Variants in FKBP4 observed in about 807,000 individuals in gnomAD.
The protein encoded by FKBP4 is FKBP prolyl isomerase 4.
In FKBP4, 28 loss-of-function variants were observed where a neutral mutation model predicts 54.1. That is an observed-to-expected ratio of 0.52 (90% CI 0.38 to 0.71). The LOEUF is 0.71. Ranked by LOEUF, FKBP4 falls within the 30% of genes least tolerant of loss-of-function variation. The pLI, the probability that FKBP4 is intolerant of heterozygous loss-of-function variation, is 0.00. For synonymous variants in FKBP4, 223 were observed against 216.1 expected (o/e 1.03, Z -0.28); for missense variants, 493 against 574.4 (o/e 0.86, Z 1.45).
At chr12:2,799,376 TC>T in intron 5 of FKBP4, 132 bp downstream of exon 5, 2 of 968,824 alleles carry the variant, frequency 2.1e-6, no homozygotes, top group Non-Finnish European at 2.9e-6. Context: ...TATGATATCC[TC>T]AGTGTACTTA....
At chr12:2,797,362 C>A in intron 2 of FKBP4, 80 bp downstream of exon 2, 2 of 1,528,884 alleles carry the variant, frequency 1.3e-6, no homozygotes, top group South Asian at 2.4e-5. Context: ...TTCTCAGGAC[C>A]AAGCTCAGGG....
rs2097902877 is a variant in FKBP4, at chr12:2,798,084, C to A, written c.393+213C>A. The stretch of plus-strand genomic sequence containing the variant: ...GGAAGAGGCAGGCACAAGCCCCTCT[C>A]CAGACTCAAAGCATGGTCAGGGTTA... On this transcript the variant is annotated intron_variant, in intron 3 of 9. Coordinates refer to ENST00000001008, the MANE Select transcript of FKBP4 (RefSeq NM_002014.4). The surrounding 1 kb of genome is among the most constrained non-coding windows in gnomAD (Gnocchi z 4.3). 6.6e-6 allele frequency among the ~76,000 whole-genome samples: 1 copy of A among 152,180 alleles called. No individual in the cohort carries two copies. Among genetic ancestry groups the A allele is most frequent in the South Asian group, 2.1e-4 (1 of 4,832 alleles).
At chr12:2,802,000 C>A (rs373177613) in intron 9 of FKBP4, among the ~76,000 whole-genome samples, 3 of 152,060 alleles carry the variant, frequency 2.0e-5, no homozygotes, top group Non-Finnish European at 4.4e-5. Flanking sequence ...GCTTTTTTCA[C>A]GTAATAGTAG....
In FKBP4 at chr12:2,803,232, C is replaced by T; in HGVS notation, c.1354C>T (p.Gln452Ter). ...GCAGAAGAGCAACACGGCAGGGAGC[C>T]AGTCTCAGGTGGAGACAGAAGCATA... ...EEQKSNTAGS[Q>*]SQVETEA Residue 452 changes from glutamine to a stop codon, truncating the protein, a stop_gained, in exon 10 of 10, where the codon CAG becomes TAG. Transcript: ENST00000001008. LOFTEE classifies it high-confidence loss of function. 1 of 1,595,748 alleles carries T rather than the reference C, an allele frequency of 6.3e-7. No individual in the cohort carries two copies. Among genetic ancestry groups the T allele is most frequent in the South Asian group, 1.1e-5 (1 of 88,056 alleles).
chr12:2,799,910 A>T lies in FKBP4; in HGVS notation c.732A>T (p.Lys244Asn), dbSNP rs774463734. Residue 244 changes from lysine (K) to asparagine (N), a missense_variant, in exon 6 of 10, where the codon AAA (lysine) becomes AAT (asparagine). Lys to Asn is a moderately conservative substitution (Grantham distance 94). Transcript: ENST00000001008. ...KFQIPPNAELKYELHLKSFEK... is the reference protein window; with the variant it reads ...KFQIPPNAELNYELHLKSFEK... ...AAATCCCACCAAATGCTGAGCTGAAATATGAATTACACCTCAAGAGTTTTG... is the reference window on the plus strand; with the variant it reads ...AAATCCCACCAAATGCTGAGCTGAATTATGAATTACACCTCAAGAGTTTTG... The T allele has an allele frequency of 3.1e-6, 5 of 1,614,222 alleles. No homozygotes were observed. In the East Asian group the frequency reaches 1.1e-4, roughly 36 times the overall value.
chr12:2,799,047 C>T, intron 4 of FKBP4, 41 bp from the exon 5 acceptor site: 2 of 1,520,458 alleles, frequency 1.3e-6, no homozygotes, highest in East Asian at 2.3e-5. Flanking sequence ...CAGTCACCTG[C>T]CCTCTTACAA....
intron 2 of FKBP4, among the ~76,000 whole-genome samples, 185 bp from the exon 3 acceptor site, chr12:2,797,544 A>C (rs2097902561): frequency 6.6e-6 from 1 of 151,920 alleles, no homozygotes. Flanking sequence ...GTTCAGGGTC[A>C]CGTGATCTTT....
In FKBP4 at chr12:2,804,030, A is replaced by AC. The variant is rs545230990; in HGVS notation, c.*775dup. 5.4e-5 allele frequency: 8 copies of AC among 149,322 alleles called. No individual in the cohort carries two copies. 9.2% of individuals were successfully genotyped at this position (149,322 alleles called of 1,614,324 possible). On this transcript the variant is annotated 3_prime_UTR_variant, in exon 10 of 10. Coordinates refer to ENST00000001008, the MANE Select transcript of FKBP4 (RefSeq NM_002014.4). Reference sequence around the variant, plus strand: ...TGGGTAGTAGCACAATCAAGGGGTCACCCACTTAGTTCCAGTTGAGCTTAA... The same window carrying AC: ...TGGGTAGTAGCACAATCAAGGGGTCACCCCACTTAGTTCCAGTTGAGCTTAA...
Position 2,801,275 on chromosome 12 carries a change from G to A in FKBP4, c.1191G>A (p.Gln397=). The A allele has an allele frequency of 6.2e-7, 1 of 1,613,974 alleles. No individual in the cohort carries two copies. The change falls in exon 9 of 10, where the codon CAG becomes CAA. Residue 397 remains glutamine, a synonymous_variant. Transcript: ENST00000001008. The part of the protein sequence containing the change: ...KAAKTQLAVC[Q]QRIRRQLARE... ...CCAAGACCCAGCTGGCTGTGTGCCA[G>A]CAGCGGATCCGAAGGCAGCTTGCCC...
rs1468056549 is a variant in FKBP4 at position 2,795,374 on chromosome 12, C to T, written c.105+130C>T. The T allele has an allele frequency of 8.2e-6, 2 of 244,298 alleles. No homozygotes were observed. The highest frequency in any genetic ancestry group is 1.5e-4 in the South Asian group (1 of 6,616). 15.1% of individuals were successfully genotyped at this position (244,298 alleles called of 1,614,324 possible). On this transcript the variant is annotated intron_variant, in intron 1 of 9. Coordinates refer to ENST00000001008, the MANE Select transcript of FKBP4 (RefSeq NM_002014.4). This position sits in a 1 kb window ranked among gnomAD's most constrained non-coding sequence, Gnocchi z 4.3. ...CTTTGCAGCCTCGCGGCCGTCCCGC[C>T]GGGGGCCGGTGGCATCGCCGTCCCG... is the stretch of plus-strand genomic sequence containing the variant.
chr12:2,800,015 T>C, intron 6 of FKBP4, 24 bp from the exon 7 acceptor site: 2 of 1,614,086 alleles, frequency 1.2e-6, no homozygotes, highest in Non-Finnish European at 1.7e-6. Context: ...CTGACAACTT[T>C]GTTTCTCTCC....
At chr12:2,796,792 C>T (rs186434651) in intron 1 of FKBP4, 578 of 1,081,014 alleles carry the variant, frequency 5.3e-4, no homozygotes, top group Non-Finnish European at 6.3e-4. Context: ...CAACCTTTTA[C>T]TGGTCTAATC....
chr12:2,800,981 T>G (rs2097904417), intron 8 of FKBP4, 136 bp from the exon 9 acceptor site: 2 of 1,167,846 alleles, frequency 1.7e-6, no homozygotes, highest in Non-Finnish European at 2.4e-6. Flanking sequence ...GCCTCAGGCC[T>G]TGTTCTTCCT....
chr12:2,795,265 C>A lies in FKBP4; in HGVS notation c.105+21C>A. Reference sequence around the variant, plus strand: ...TGAAGGTGAGGGGCGGCGGGGCCTGCGGAGGCGTCGGAACCCGGGGCCCCG... The same window carrying A: ...TGAAGGTGAGGGGCGGCGGGGCCTGAGGAGGCGTCGGAACCCGGGGCCCCG... On this transcript the variant is annotated intron_variant, in intron 1 of 9. Coordinates refer to ENST00000001008, the MANE Select transcript of FKBP4 (RefSeq NM_002014.4). The surrounding 1 kb of genome is among the most constrained non-coding windows in gnomAD (Gnocchi z 4.3). The A allele has an allele frequency of 8.0e-7, 1 of 1,248,908 alleles. No individual in the cohort carries two copies. The highest frequency in any genetic ancestry group is 3.1e-5 in the South Asian group (1 of 32,288). The allele number at this position is 1,248,908 out of a possible 1,614,324, so 77.4% of individuals were successfully genotyped here. A position where few individuals can be genotyped will look rare whatever the true frequency, so the allele number is the denominator to read the frequency against.
rs1425699309 is a variant in FKBP4, at chr12:2,803,226, G to A, written c.1348G>A (p.Gly450Arg). The change falls in exon 10 of 10, where the codon GGG becomes AGG. Residue 450 changes from glycine (G) to arginine (R), a missense_variant. Coordinates refer to ENST00000001008, the MANE Select transcript of FKBP4 (RefSeq NM_002014.4). ...MKEEQKSNTA[G>R]SQSQVETEA ...GGAGGAGCAGAAGAGCAACACGGCA[G>A]GGAGCCAGTCTCAGGTGGAGACAGA... is the stretch of plus-strand genomic sequence containing the variant. 1.3e-6 allele frequency: 2 copies of A among 1,599,262 alleles called. No individual in the cohort carries two copies. The highest frequency in any genetic ancestry group is 2.3e-5 in the South Asian group (2 of 88,508).
At chr12:2,796,894 A>C (rs2097902159) in intron 1 of FKBP4, 1 of 1,324,076 alleles carries the variant, frequency 7.6e-7, no homozygotes. Flanking sequence ...CGGAAACTTG[A>C]ACTCAGATCT....
rs55672055 is a variant in FKBP4 at position 2,799,139 on chromosome 12, G to A, written c.566G>A (p.Arg189His). ...KDKLFDQREL[R>H]FEIGEGENLD... ...AAGCTCTTTGACCAGCGGGAGCTCC[G>A]CTTTGAGATTGGCGAGGGGGAGAAC... is the stretch of plus-strand genomic sequence containing the variant. Residue 189 changes from arginine (R) to histidine (H), a missense_variant, in exon 5 of 10, where the codon CGC becomes CAC. Physicochemically the swap from Arg to His is conservative, Grantham distance 29. Coordinates refer to ENST00000001008, the MANE Select transcript of FKBP4 (RefSeq NM_002014.4). 2.0e-4 allele frequency: 317 copies of A among 1,585,412 alleles called. No homozygotes were observed. In the East Asian group the frequency reaches 6.0e-3, roughly 30 times the overall value.
At chr12:2,800,671 A>T (rs2097904239) in intron 8 of FKBP4, 94 bp downstream of exon 8, 26 of 1,261,188 alleles carry the variant, frequency 2.1e-5, no homozygotes, top group Non-Finnish European at 2.7e-5. Context: ...TGACTAGGGC[A>T]GGGATAGCAG....
chr12:2,801,319 C>G lies in FKBP4; in HGVS notation c.1235C>G (p.Ala412Gly), dbSNP rs2097904639. ...RQLAREKKLYANMFERLAEEE... is the reference protein window; with the variant it reads ...RQLAREKKLYGNMFERLAEEE... ...CTTGCCCGGGAGAAGAAGCTCTATG[C>G]CAATATGTTTGAGAGGCTGGCTGAG... is the stretch of plus-strand genomic sequence containing the variant. Residue 412 changes from alanine to glycine, a missense_variant, in exon 9 of 10, where the codon GCC (alanine) becomes GGC (glycine). Coordinates refer to ENST00000001008, the MANE Select transcript of FKBP4 (RefSeq NM_002014.4). 1.9e-6 allele frequency: 3 copies of G among 1,614,146 alleles called. No homozygotes were observed. Among genetic ancestry groups the G allele is most frequent in the Non-Finnish European group, 1.7e-6 (2 of 1,180,038 alleles).
Sources: allele counts gnomAD v4.1 joint callset (sites outside exome capture counted in the v4.1 genomes callset), GRCh38; gene constraint gnomAD v4.1.1; non-coding constraint Gnocchi (gnomAD v3.1); transcripts MANE v1.5; gene names NCBI Gene and HGNC (gene_info 2026-07-23, HGNC 2026-07-21).